TRIM67: variants seen among roughly 807,000 people sequenced by gnomAD.
The protein encoded by TRIM67 is tripartite motif containing 67.
In TRIM67, 39 loss-of-function variants were observed where a neutral mutation model predicts 71.0. The ratio of observed to expected loss-of-function variants is 0.55; its 90% CI spans 0.43 to 0.72. The LOEUF (loss-of-function observed/expected upper bound fraction) is 0.72. TRIM67 is among the 30% of genes least tolerant of loss of function. The pLI is 0.00. For missense variants in TRIM67, 973 were observed against 1,079.2 expected (o/e 0.90, Z 1.38); for synonymous variants, 481 against 473.9 (o/e 1.01, Z -0.19).
Position 231,218,475 on chromosome 1 carries a change from C to A in TRIM67, c.*3035C>A. On this transcript the variant is annotated 3_prime_UTR_variant, in exon 10 of 10. Transcript: ENST00000366653. ...GAGCAAGCTTGGTCAAAGTGTATGC[C>A]TTTTCCTTTTAAAATTAATCTCTTC... 1 of 985,434 alleles carries A rather than the reference C, an allele frequency of 1.0e-6. No homozygotes were observed. The highest frequency in any genetic ancestry group is 1.2e-6 in the Non-Finnish European group (1 of 829,940). 61.0% of individuals were successfully genotyped at this position (985,434 alleles called of 1,614,324 possible).
chr1:231,188,795 G>A (rs12063614), intron 1 of TRIM67, among the ~76,000 whole-genome samples: 37,053 of 151,998 alleles, frequency 0.24, 5,861 homozygotes, highest in African/African-American at 0.45. Flanking sequence ...CAAGCTGTCG[G>A]TTGTTATTCT....
intron 1 of TRIM67, among the ~76,000 whole-genome samples, chr1:231,173,520 C>A (rs1009092313): frequency 6.6e-6 from 1 of 152,168 alleles, no homozygotes; most frequent in African/African-American, 2.4e-5. Context: ...GAAGGCAGCA[C>A]ATTTCACAGA....
rs73116311 is a variant in TRIM67 at position 231,209,471 on chromosome 1, G to T, written c.2123+221G>T. 6.6e-6 allele frequency among the ~76,000 whole-genome samples: 1 copy of T among 152,204 alleles called. No individual in the cohort carries two copies. On this transcript the variant is annotated intron_variant, in intron 8 of 9. Transcript: ENST00000366653. The surrounding 1 kb of genome is among the most constrained non-coding windows in gnomAD (Gnocchi z 4.1). ...TGTTATGGTGACTCTCACAGCACCC[G>T]CACAGATGGGTCTCCCAAGTTACCC...
chr1:231,186,752 C>A (rs1031520341), intron 1 of TRIM67, among the ~76,000 whole-genome samples: 6 of 152,158 alleles, frequency 3.9e-5, no homozygotes, highest in African/African-American at 1.4e-4. Context: ...TTGGGGGACA[C>A]AATTCAGTCC....
chr1:231,206,410 CA>C (rs1683699496), intron 6 of TRIM67, among the ~76,000 whole-genome samples: 1 of 152,064 alleles, frequency 6.6e-6, no homozygotes, highest in South Asian at 2.1e-4. Context: ...CACTCCACTC[CA>C]GCCTGGCAAC....
chr1:231,215,348 C>T (rs753419156), intron 9 of TRIM67, 27 bp from the exon 10 acceptor site: 5 of 1,608,900 alleles, frequency 3.1e-6, no homozygotes, highest in South Asian at 2.2e-5. Flanking sequence ...CCTCTCCCAC[C>T]CTCACTTGCC....
Position 231,209,225 on chromosome 1 carries a change from A to C in TRIM67, c.2098A>C (p.Met700Leu). The C allele has an allele frequency of 6.4e-7, 1 of 1,570,682 alleles. No homozygotes were observed. ...TGTGGACAACAACCGCAGCTGGTTC[A>C]TGCACTGCAACTCCCACACCAACAG... ...MYVDNNRSWF[M>L]HCNSHTNRTE... Residue 700 changes from methionine (M) to leucine (L), a missense_variant, in exon 8 of 10, where the codon ATG becomes CTG. Met to Leu is a conservative substitution (Grantham distance 15, BLOSUM62 2). Coordinates refer to ENST00000366653, the MANE Select transcript of TRIM67 (RefSeq NM_001004342.5). The surrounding 1 kb of genome is among the most constrained non-coding windows in gnomAD (Gnocchi z 4.1).
In TRIM67 at chr1:231,201,821, G is replaced by A. The variant is rs554530110; in HGVS notation, c.1534+304G>A. 7.2e-5 allele frequency among the ~76,000 whole-genome samples: 11 copies of A among 152,364 alleles called. No homozygotes were observed. The East Asian group carries it at 2.1e-3, about 29-fold the overall frequency. On this transcript the variant is annotated intron_variant, in intron 5 of 9. Coordinates refer to ENST00000366653, the MANE Select transcript of TRIM67 (RefSeq NM_001004342.5). ...TTGGAAAGTGTCTACCATGTGCCAG[G>A]CACTATTCCACATGCTCAAGATGCG...
chr1:231,164,054 G>A (rs1336235230), intron 1 of TRIM67, 41 bp downstream of exon 1: 1 of 1,444,586 alleles, frequency 6.9e-7, no homozygotes, highest in Admixed American at 2.3e-5. Flanking sequence ...CCAGGGAAGA[G>A]GGTACGAGGA....
chr1:231,187,788 A>G (rs1683127235), intron 1 of TRIM67, among the ~76,000 whole-genome samples: 1 of 152,214 alleles, frequency 6.6e-6, no homozygotes, highest in South Asian at 2.1e-4. Flanking sequence ...GCCAGGCACA[A>G]AGGAGCTGCT....
At chr1:231,185,512 G>C (rs1683045919) in intron 1 of TRIM67, among the ~76,000 whole-genome samples, 1 of 151,808 alleles carries the variant, frequency 6.6e-6, no homozygotes, top group Admixed American at 6.6e-5. Flanking sequence ...GCCACATCGA[G>C]AGTGAGAAGT....
At chr1:231,181,013 T>G (rs1682890600) in intron 1 of TRIM67, among the ~76,000 whole-genome samples, 1 of 152,156 alleles carries the variant, frequency 6.6e-6, no homozygotes, top group Non-Finnish European at 1.5e-5. Context: ...GTCGCCAGGC[T>G]AGAGTACAGT....
Position 231,208,929 on chromosome 1 carries a change from C to T in TRIM67, c.1820-18C>T, listed in dbSNP as rs1268213522. ...TTCCATCCCCTGACCCTGCTCCTCT[C>T]ACCTCCTCCCTTTTTAGTGGCCTGG... On this transcript the variant is annotated intron_variant, in intron 7 of 9. Coordinates refer to ENST00000366653, the MANE Select transcript of TRIM67 (RefSeq NM_001004342.5). 2 of 1,556,684 alleles carry T rather than the reference C, an allele frequency of 1.3e-6. No homozygotes were observed. The highest frequency in any genetic ancestry group is 1.4e-5 in the African/African-American group (1 of 73,914).
chr1:231,218,005 G>A lies in TRIM67; in HGVS notation c.*2565G>A, dbSNP rs1478024106. 34 of 1,199,444 alleles carry A rather than the reference G, an allele frequency of 2.8e-5. No homozygotes were observed. The highest frequency in any genetic ancestry group is 6.6e-5 in the Admixed American group (2 of 30,272). 74.3% of individuals were successfully genotyped at this position (1,199,444 alleles called of 1,614,324 possible). ...CCAGGAGCCCAGAAGCAATACGGCC[G>A]ATGCCAGGGACAGCATCCAGCTCTC... is the stretch of plus-strand genomic sequence containing the variant. On this transcript the variant is annotated 3_prime_UTR_variant, in exon 10 of 10. Transcript: ENST00000366653.
At chr1:231,185,343 G>T in intron 1 of TRIM67, 5 of 971,758 alleles carry the variant, frequency 5.1e-6, no homozygotes, top group Non-Finnish European at 7.4e-6. Context: ...AAGGGAGAAT[G>T]GCTCTTGTTT....
chr1:231,170,123 A>T (rs1682587145), intron 1 of TRIM67, among the ~76,000 whole-genome samples: 1 of 151,844 alleles, frequency 6.6e-6, no homozygotes, highest in African/African-American at 2.4e-5. Flanking sequence ...AGTAGCTGGG[A>T]TTACAGGCAT....
intron 2 of TRIM67, among the ~76,000 whole-genome samples, chr1:231,198,664 G>A (rs908143947): frequency 6.6e-6 from 1 of 152,136 alleles, no homozygotes; most frequent in Non-Finnish European, 1.5e-5. Context: ...GGGATTATAG[G>A]CATGAGCTGC....
intron 1 of TRIM67, among the ~76,000 whole-genome samples, chr1:231,178,372 C>G (rs576337480): frequency 1.3e-5 from 2 of 152,164 alleles, no homozygotes; most frequent in Admixed American, 1.3e-4. Flanking sequence ...CATGGACTGA[C>G]GGCATATTAA....
chr1:231,169,009 G>A (rs1682550254), intron 1 of TRIM67, among the ~76,000 whole-genome samples: 2 of 152,220 alleles, frequency 1.3e-5, no homozygotes, highest in African/African-American at 4.8e-5. Flanking sequence ...AGAGCATGTG[G>A]CATGGAAATA....
Sources: gnomAD v4.1 joint callset for allele counts (sites outside exome capture counted in the v4.1 genomes callset) on GRCh38, gnomAD v4.1.1 for gene constraint, Gnocchi (gnomAD v3.1) non-coding constraint, MANE v1.5 for transcripts, NCBI Gene and HGNC (gene_info 2026-07-23, HGNC 2026-07-21) for gene names.